The following ZNF600 variants were observed in gnomAD, a reference collection of about 807,000 sequenced individuals.
ZNF600 encodes the protein zinc finger protein 600, also known as zinc finger protein KR-ZNF1.
ZNF600 carries 4 observed loss-of-function variants against 7.3 expected under a neutral mutation model. The ratio of observed to expected loss-of-function variants is 0.55; its 90% CI spans 0.27 to 1.25. The LOEUF (loss-of-function observed/expected upper bound fraction) is 1.25, where lower values mean the gene tolerates loss of function less well. Among genes scored for constraint, ZNF600 ranks in the 50% most tolerant of loss-of-function variants. The pLI, the probability that ZNF600 is intolerant of heterozygous loss-of-function variation, is 0.12. For missense variants in ZNF600, 911 were observed against 922.1 expected (o/e 0.99, Z 0.16); for synonymous variants, 290 against 308.9 (o/e 0.94, Z 0.64).
At chr19:52,776,002 A>T (rs7343089) in intron 2 of ZNF600, among the ~76,000 whole-genome samples, 108,938 of 147,052 alleles carry the variant, frequency 0.74, 41,211 homozygotes, top group African/African-American at 0.82. Context: ...CAATACTCTG[A>T]CTCCAAAAAA....
chr19:52,776,998 TA>T (rs746808496), intron 2 of ZNF600, among the ~76,000 whole-genome samples: 28 of 151,544 alleles, frequency 1.8e-4, no homozygotes, highest in Non-Finnish European at 4.1e-4. Context: ...CAAAACAAAT[TA>T]AAAAATAAAG....
chr19:52,811,370 G>C, the ZNF600 span, among the ~76,000 whole-genome samples: 1 of 147,386 alleles, frequency 6.8e-6, no homozygotes, highest in African/African-American at 2.7e-5. Context: ...GGGATGTGAG[G>C]AGCCCCTCTG....
At chr19:52,801,397 C>T in the ZNF600 span, 17 of 1,614,062 alleles carry the variant, frequency 1.1e-5, no homozygotes, top group Non-Finnish European at 1.4e-5. Context: ...ATGTGCAGTT[C>T]AGGCAGATGC....
In ZNF600 at chr19:52,776,006, CA is replaced by C. The variant is rs112283342; in HGVS notation, c.64-1306del. 5.7e-5 allele frequency among the ~76,000 whole-genome samples: 7 copies of C among 121,768 alleles called. 1 individual carries two copies. The South Asian group carries it at 7.8e-4, about 14-fold the overall frequency. 79.9% of individuals were successfully genotyped at this position (121,768 alleles called of 152,430 possible). ...GGGTGACAGAGCAATACTCTGACTCCAAAAAAAAAAACCAAAAACCAAAAAC... is the reference window on the plus strand; with the variant it reads ...GGGTGACAGAGCAATACTCTGACTCCAAAAAAAAAACCAAAAACCAAAAAC... On this transcript the variant is annotated intron_variant, in intron 2 of 3. Coordinates refer to ENST00000648973, the Ensembl canonical transcript of ZNF600.
chr19:52,780,471 T>C (rs918903512), intron 1 of ZNF600, among the ~76,000 whole-genome samples, 110 bp downstream of exon 3: 2 of 151,924 alleles, frequency 1.3e-5, no homozygotes, highest in African/African-American at 2.4e-5. Context: ...AAGCGACCAG[T>C]GGGGCTGGAA....
At chr19:52,824,993 A>G in the ZNF600 span, among the ~76,000 whole-genome samples, 1 of 152,116 alleles carries the variant, frequency 6.6e-6, no homozygotes, top group South Asian at 2.1e-4. Flanking sequence ...GCTACTTGGG[A>G]GGCTGAGATG....
the ZNF600 span, among the ~76,000 whole-genome samples, chr19:52,809,318 T>G: frequency 1.3e-5 from 2 of 150,534 alleles, no homozygotes; most frequent in Non-Finnish European, 1.5e-5. Flanking sequence ...AAAGGACACA[T>G]GTGTTGTCAT....
At chr19:52,780,367 T>C (rs907350769) in intron 1 of ZNF600, among the ~76,000 whole-genome samples, 2 of 152,238 alleles carry the variant, frequency 1.3e-5, no homozygotes, top group Non-Finnish European at 2.9e-5. Context: ...AAAGGCTGCT[T>C]GTCACTTGCA....
At chr19:52,768,130 A>G (rs1226342430) in intron 3 of ZNF600, among the ~76,000 whole-genome samples, 2 of 152,046 alleles carry the variant, frequency 1.3e-5, no homozygotes, top group Non-Finnish European at 1.5e-5. Context: ...TCATATTTAA[A>G]CCATATTTAC....
chr19:52,807,831 G>C, the ZNF600 span: 1 of 1,087,570 alleles, frequency 9.2e-7, no homozygotes, highest in South Asian at 1.6e-5. Flanking sequence ...CTATCATGAA[G>C]AATGCAGAAC....
chr19:52,784,359 G>T (rs12972336), intron 1 of ZNF600, among the ~76,000 whole-genome samples: 92,181 of 151,670 alleles, frequency 0.61, 28,973 homozygotes, highest in Non-Finnish European at 0.69. Context: ...TTAGAGTAGA[G>T]AACGCTATTG....
chr19:52,767,753 C>G, exon 4 of ZNF600: 3 of 1,577,432 alleles, frequency 1.9e-6, no homozygotes, highest in Non-Finnish European at 2.6e-6. Flanking sequence ...CCTCCTTCAT[C>G]ATGCGTTTGG....
the ZNF600 span, among the ~76,000 whole-genome samples, chr19:52,809,241 T>C: frequency 6.6e-6 from 1 of 152,170 alleles, no homozygotes; most frequent in East Asian, 1.9e-4. Flanking sequence ...AATGTTCAGA[T>C]ATCTGTAGTA....
At chr19:52,772,705 A>G (rs898270776) in intron 3 of ZNF600, among the ~76,000 whole-genome samples, 1 of 152,176 alleles carries the variant, frequency 6.6e-6, no homozygotes, top group African/African-American at 2.4e-5. Flanking sequence ...ACATGACCCC[A>G]GTTTGCACGT....
At chr19:52,822,382 TCTTTA>T in the ZNF600 span, among the ~76,000 whole-genome samples, 2 of 152,144 alleles carry the variant, frequency 1.3e-5, no homozygotes, top group African/African-American at 4.8e-5. Flanking sequence ...CAGGAAATAC[TCTTTA>T]CTTTGCTTTT....
chr19:52,813,926 ACT>A, the ZNF600 span, among the ~76,000 whole-genome samples: 14 of 139,312 alleles, frequency 1.0e-4, 2 homozygotes, highest in South Asian at 2.9e-3. Context: ...TGGGAGATGG[ACT>A]CTGTTTATTT....
Position 52,767,718 on chromosome 19 carries a change from G to C in ZNF600, c.245C>G (p.Thr82Arg), listed in dbSNP as rs7252128. Residue 82 changes from threonine (T) to arginine (R), a missense_variant, in exon 4 of 4, where the codon ACA becomes AGA. By Grantham distance (71) the Thr-to-Arg change is moderately conservative. Transcript: ENST00000648973. Reference sequence around the variant, plus strand: ...CAATGTCCCTGTGTGGATCACTTCTGTATTGCCTTGCCCTGTTGACAAGAC... The same window carrying C: ...CAATGTCCCTGTGTGGATCACTTCTCTATTGCCTTGCCCTGTTGACAAGAC... The C allele has an allele frequency of 7.3e-3, 11,711 of 1,609,208 alleles. 529 individuals are homozygous for C. In the African/African-American group the frequency reaches 0.11, roughly 16 times the overall value.
rs755453726 is a variant in ZNF600 at position 52,767,140 on chromosome 19, T to C, written c.823A>G (p.Thr275Ala). ...CCAGTGTGACATCTACAATGGCATGTAAGGTATTGCTTGTGATTAAAGAGC... is the reference window on the plus strand; with the variant it reads ...CCAGTGTGACATCTACAATGGCATGCAAGGTATTGCTTGTGATTAAAGAGC... The change falls in exon 4 of 4, where the codon ACA becomes GCA. Residue 275 changes from threonine to alanine, a missense_variant. Coordinates refer to ENST00000648973, the Ensembl canonical transcript of ZNF600. The C allele has an allele frequency of 7.6e-5, 123 of 1,614,062 alleles. No individual in the cohort carries two copies. The highest frequency in any genetic ancestry group is 9.4e-5 in the Non-Finnish European group (111 of 1,180,010).
intron 3 of ZNF600, among the ~76,000 whole-genome samples, chr19:52,771,361 T>TGTTTTTGAGACCGA (rs201460050): frequency 0.041 from 5,993 of 147,878 alleles, 371 homozygotes; most frequent in African/African-American, 0.15. Flanking sequence ...TTTTTTTGTC[T>TGTTTTTGAGACCGA]GTCATGCTTC....
Sources: gnomAD v4.1 joint callset for allele counts (sites outside exome capture counted in the v4.1 genomes callset) on GRCh38, gnomAD v4.1.1 for gene constraint, MANE v1.5 for transcripts, NCBI Gene and HGNC (gene_info 2026-07-23, HGNC 2026-07-21) for gene names.